Variants in TMEM170A observed in about 807,000 individuals in gnomAD.
TMEM170A encodes the protein transmembrane protein 170A, also known as transmembrane protein 170.
TMEM170A carries 18 observed loss-of-function variants against 12.8 expected under a neutral mutation model. The observed-to-expected ratio is 1.41, with a 90% CI of 0.97 to 2.09. The LOEUF (loss-of-function observed/expected upper bound fraction) is 2.09. TMEM170A is among the 30% of genes most tolerant of loss of function. The probability of loss-of-function intolerance (pLI) is 0.00; values close to 1 mark genes in which losing one functional copy is unlikely to be tolerated. For missense variants in TMEM170A, 220 were observed against 179.9 expected (o/e 1.22, Z -1.28); for synonymous variants, 107 against 76.2 (o/e 1.40, Z -2.11).
chr16:75,459,856 CAA>C lies in TMEM170A; in HGVS notation c.133+4610_133+4611del, dbSNP rs35740034. The C allele has an allele frequency of 5.7e-3, 796 of 140,502 alleles. 9 individuals are homozygous for C. Among genetic ancestry groups the C allele is most frequent in the African/African-American group, 0.02 (756 of 38,200 alleles). The allele number at this position is 140,502 out of a possible 1,614,324, so 8.7% of individuals were successfully genotyped here. On this transcript the variant is annotated intron_variant, in intron 1 of 2. Coordinates refer to ENST00000561878, the MANE Select transcript of TMEM170A (RefSeq NM_145254.3). ...TGGGGGACAGAGCGAAACTCCATCT[CAA>C]AAAAAAAAAAAGTCTTACGTAGTCC...
At chr16:75,459,734 C>T (rs886656648) in intron 1 of TMEM170A, among the ~76,000 whole-genome samples, 4 of 151,906 alleles carry the variant, frequency 2.6e-5, no homozygotes, top group African/African-American at 9.7e-5. Context: ...GTGTCTGCCT[C>T]TAATCCCAGC....
intron 2 of TMEM170A, among the ~76,000 whole-genome samples, chr16:75,450,646 C>T (rs1290828742): frequency 7.0e-6 from 1 of 142,830 alleles, no homozygotes; most frequent in Non-Finnish European, 1.5e-5. Flanking sequence ...TAATCGGGTA[C>T]TTTTCTAAGC....
chr16:75,453,748 G>A (rs1339271127), intron 1 of TMEM170A, among the ~76,000 whole-genome samples: 4 of 152,196 alleles, frequency 2.6e-5, no homozygotes, highest in African/African-American at 9.6e-5. Context: ...TGCAGGTTAG[G>A]AGAGCTGGCT....
At position 75,464,473 on chromosome 16, in the gene TMEM170A, AAGG is replaced by A; in HGVS notation, c.125_127del (p.Ser42del). The A allele has an allele frequency of 6.6e-7, 1 of 1,522,448 alleles. No individual in the cohort carries two copies. Among genetic ancestry groups the A allele is most frequent in the Non-Finnish European group, 8.8e-7 (1 of 1,139,492 alleles). The allele number at this position is 1,522,448 out of a possible 1,614,324, so 94.3% of individuals were successfully genotyped here. A position where few individuals can be genotyped will look rare whatever the true frequency, so the allele number is the denominator to read the frequency against. On this transcript the variant is annotated inframe_deletion, in exon 1 of 3. Coordinates refer to ENST00000561878, the MANE Select transcript of TMEM170A (RefSeq NM_145254.3). Reference sequence around the variant, plus strand: ...AGGCGCGGGGCGGGCCGTACCTGGGAAGGAGCAGAGGGAAGTAGAGTTGGGGCA... The same window carrying A: ...AGGCGCGGGGCGGGCCGTACCTGGGAAGCAGAGGGAAGTAGAGTTGGGGCA...
At chr16:75,464,224 G>C (rs956514553) in intron 1 of TMEM170A, 1 of 1,503,910 alleles carries the variant, frequency 6.6e-7, no homozygotes, top group African/African-American at 1.4e-5. Flanking sequence ...CTCCAGCCCC[G>C]GGCCCACCTG....
Position 75,447,514 on chromosome 16 carries a change from A to G in TMEM170A, c.*44T>C. ...ACTCCATAATGTATTCTTTTGGAGG[A>G]TTCCATAAAGTTTAAGTTCAACATC... On this transcript the variant is annotated 3_prime_UTR_variant, in exon 3 of 3. Transcript: ENST00000561878. 1 of 1,571,648 alleles carries G rather than the reference A, an allele frequency of 6.4e-7. No individual in the cohort carries two copies. The highest frequency in any genetic ancestry group is 8.6e-7 in the Non-Finnish European group (1 of 1,162,774).
In TMEM170A at chr16:75,446,532, G is replaced by A. The variant is rs1052970313; in HGVS notation, c.*1026C>T. 6.6e-6 allele frequency: 1 copy of A among 152,180 alleles called. No homozygotes were observed. Among genetic ancestry groups the A allele is most frequent in the Non-Finnish European group, 1.5e-5 (1 of 68,028 alleles). The allele number at this position is 152,180 out of a possible 1,614,324, so 9.4% of individuals were successfully genotyped here. On this transcript the variant is annotated 3_prime_UTR_variant, in exon 3 of 3. Transcript: ENST00000561878. ...AAACTTTAGGCACTTTCTGGGAGTT[G>A]ATACCCAATACTGTAAAAGTGGGCT...
At chr16:75,463,557 G>C (rs1031899397) in intron 1 of TMEM170A, among the ~76,000 whole-genome samples, 1 of 152,214 alleles carries the variant, frequency 6.6e-6, no homozygotes, top group Non-Finnish European at 1.5e-5. Flanking sequence ...CTAGAGTCTG[G>C]AATCTCGTCC....
At chr16:75,450,970 T>C (rs2079670648) in intron 2 of TMEM170A, among the ~76,000 whole-genome samples, 1 of 152,108 alleles carries the variant, frequency 6.6e-6, no homozygotes, top group African/African-American at 2.4e-5. Context: ...CAAAGAATTC[T>C]TGTCATCAAA....
In TMEM170A at chr16:75,463,565, T is replaced by C. The variant is rs531585301; in HGVS notation, c.133+903A>G. Among the ~76,000 whole-genome samples, 46 of 152,332 alleles carry C rather than the reference T, an allele frequency of 3.0e-4. 1 individual carries two copies. The highest frequency in any genetic ancestry group is 3.4e-3 in the Middle Eastern group (1 of 294). The stretch of plus-strand genomic sequence containing the variant: ...TTTGGAACTAGAGTCTGGAATCTCG[T>C]CCTCCTTCCCTCTGCTCTGGTCCCT... On this transcript the variant is annotated intron_variant, in intron 1 of 2. Transcript: ENST00000561878.
rs2079963841 is a variant in TMEM170A at position 75,464,499 on chromosome 16, G to A, written c.102C>T (p.Cys34=). The A allele has an allele frequency of 1.3e-6, 2 of 1,579,060 alleles. No individual in the cohort carries two copies. Among genetic ancestry groups the A allele is most frequent in the Non-Finnish European group, 1.7e-6 (2 of 1,165,822 alleles). Residue 34 remains cysteine, a synonymous_variant, in exon 1 of 3, where the codon TGC becomes TGT. Transcript: ENST00000561878. ...AGGAGCAGAGGGAAGTAGAGTTGGGGCACAGGGTCCCGTTGCCCACCCGCG... is the reference window on the plus strand; with the variant it reads ...AGGAGCAGAGGGAAGTAGAGTTGGGACACAGGGTCCCGTTGCCCACCCGCG... ...VVPRVGNGTL[C]PNSTSLCSFP...
At chr16:75,453,141 T>TC (rs1391174715) in intron 1 of TMEM170A, among the ~76,000 whole-genome samples, 2 of 152,102 alleles carry the variant, frequency 1.3e-5, no homozygotes, top group African/African-American at 4.8e-5. Flanking sequence ...CTAAATAATG[T>TC]CCCCGACCAT....
chr16:75,444,457 A>C lies in TMEM170A; in HGVS notation c.*3101T>G, dbSNP rs1415626415. On this transcript the variant is annotated 3_prime_UTR_variant, in exon 3 of 3. Coordinates refer to ENST00000561878, the MANE Select transcript of TMEM170A (RefSeq NM_145254.3). ...GGCGACAGAGCAAGACTCCGTCTCA[A>C]AACAAAAAAACCAAAAAACCAAAGC... is the stretch of plus-strand genomic sequence containing the variant. 1 of 152,222 alleles carries C rather than the reference A, an allele frequency of 6.6e-6. No homozygotes were observed. The highest frequency in any genetic ancestry group is 1.5e-5 in the Non-Finnish European group (1 of 68,070). The allele number at this position is 152,222 out of a possible 1,614,324, so 9.4% of individuals were successfully genotyped here. A position where few individuals can be genotyped will look rare whatever the true frequency, so the allele number is the denominator to read the frequency against.
chr16:75,462,148 G>T (rs2079920149), intron 1 of TMEM170A, among the ~76,000 whole-genome samples: 1 of 152,212 alleles, frequency 6.6e-6, no homozygotes, highest in African/African-American at 2.4e-5. Context: ...CCTTACAGTA[G>T]AGTTTTCATA....
chr16:75,449,619 C>T (rs1409361062), intron 2 of TMEM170A, among the ~76,000 whole-genome samples: 1 of 152,168 alleles, frequency 6.6e-6, no homozygotes, highest in East Asian at 1.9e-4. Flanking sequence ...ATGCCTGGCA[C>T]ATTTCACAAA....
intron 1 of TMEM170A, among the ~76,000 whole-genome samples, chr16:75,456,394 C>T (rs72787193): frequency 0.058 from 8,867 of 152,038 alleles, 297 homozygotes; most frequent in Middle Eastern, 0.12. Context: ...TCCAGAACAG[C>T]CAGGCCAACA....
At chr16:75,451,882 C>T (rs746992261) in intron 1 of TMEM170A, 43 bp from the exon 2 acceptor site, 22 of 1,540,118 alleles carry the variant, frequency 1.4e-5, no homozygotes, top group Middle Eastern at 1.7e-4. Flanking sequence ...ACTGCCCTTC[C>T]CAGGACAATC....
In TMEM170A at chr16:75,449,253, G is replaced by GT. The variant is rs576178095; in HGVS notation, c.305-1566_305-1565insA. Reference sequence around the variant, plus strand: ...ATGATCGCTATTCTCAAGGTACTTGGAATCTAGCTGGGGACACAAGACAGA... The same window carrying GT: ...ATGATCGCTATTCTCAAGGTACTTGGTAATCTAGCTGGGGACACAAGACAGA... On this transcript the variant is annotated intron_variant, in intron 2 of 2. Coordinates refer to ENST00000561878, the MANE Select transcript of TMEM170A (RefSeq NM_145254.3). Among the ~76,000 whole-genome samples, 26 of 152,014 alleles carry GT rather than the reference G, an allele frequency of 1.7e-4. No homozygotes were observed. In the South Asian group the frequency reaches 5.4e-3, roughly 32 times the overall value.
chr16:75,451,641 T>C (rs1376100274), intron 2 of TMEM170A, 28 bp downstream of exon 2: 6 of 1,612,248 alleles, frequency 3.7e-6, no homozygotes, highest in East Asian at 2.2e-5. Context: ...TTAAACATTT[T>C]TGACTGGTAT....
Sources: allele counts gnomAD v4.1 joint callset (sites outside exome capture counted in the v4.1 genomes callset), GRCh38; gene constraint gnomAD v4.1.1; transcripts MANE v1.5; gene names NCBI Gene and HGNC (gene_info 2026-07-23, HGNC 2026-07-21).